The following ARHGAP15 variants were observed in gnomAD, a reference collection of about 807,000 sequenced individuals.
ARHGAP15 encodes the protein Rho GTPase activating protein 15.
In ARHGAP15, 51 loss-of-function variants were observed where a neutral mutation model predicts 63.7. That is an observed-to-expected ratio of 0.80 (90% CI 0.64 to 1.01). The LOEUF is 1.01. ARHGAP15 is among the 50% of genes least tolerant of loss of function. The pLI is 0.00. For synonymous variants in ARHGAP15, 191 were observed against 193.8 expected, an observed-to-expected ratio of 0.99 and a Z score of 0.12; for missense variants, 560 against 564.6, an observed-to-expected ratio of 0.99 and a Z score of 0.08.
chr2:143,407,763 T>A (rs1339517393), intron 6 of ARHGAP15, among the ~76,000 whole-genome samples: 5 of 151,470 alleles, frequency 3.3e-5, no homozygotes, highest in Admixed American at 3.3e-4. Flanking sequence ...GTATTTTAAT[T>A]TTTGGTATAA....
At chr2:143,279,445 C>A (rs552799959) in intron 6 of ARHGAP15, among the ~76,000 whole-genome samples, 1 of 152,266 alleles carries the variant, frequency 6.6e-6, no homozygotes, top group Non-Finnish European at 1.5e-5. Flanking sequence ...GCCATGACTG[C>A]ATTGCAGAAT....
chr2:143,513,600 T>C (rs1408454323), intron 9 of ARHGAP15, among the ~76,000 whole-genome samples: 1 of 152,242 alleles, frequency 6.6e-6, no homozygotes, highest in Non-Finnish European at 1.5e-5. Flanking sequence ...AGGTCACTCA[T>C]ATCCTGAAAT....
At chr2:143,383,212 A>G (rs910974529) in intron 6 of ARHGAP15, among the ~76,000 whole-genome samples, 1 of 152,198 alleles carries the variant, frequency 6.6e-6, no homozygotes, top group African/African-American at 2.4e-5. Flanking sequence ...GAACTATTGC[A>G]CAATTTGCCT....
At chr2:143,604,887 G>GT (rs905139969) in intron 11 of ARHGAP15, among the ~76,000 whole-genome samples, 3 of 151,884 alleles carry the variant, frequency 2.0e-5, no homozygotes, top group South Asian at 2.1e-4. Context: ...ATTTTACAGG[G>GT]TTTTTTTGTT....
rs566957010 is a variant in ARHGAP15 at position 143,609,758 on chromosome 2, C to T, written c.1004-14375C>T. Among the ~76,000 whole-genome samples the T allele has an allele frequency of 2.0e-5, 3 of 152,232 alleles. No homozygotes were observed. The South Asian group carries it at 6.2e-4, about 32-fold the overall frequency. On this transcript the variant is annotated intron_variant, in intron 11 of 13. Transcript: ENST00000295095. ...CCAGGATCTGTATGCACTCGCCTTC[C>T]AACAGGCTTCCAACTAGATTGGGCC...
At chr2:143,149,759 G>T (rs536229502) in intron 1 of ARHGAP15, among the ~76,000 whole-genome samples, 1 of 151,886 alleles carries the variant, frequency 6.6e-6, no homozygotes, top group African/African-American at 2.4e-5. Flanking sequence ...TAAGAAAATT[G>T]GTCAAAGACA....
chr2:143,590,121 G>A (rs1177161731), intron 11 of ARHGAP15, among the ~76,000 whole-genome samples: 1 of 152,102 alleles, frequency 6.6e-6, no homozygotes, highest in African/African-American at 2.4e-5. Context: ...TACCCCAGCT[G>A]TTTAGCTCAT....
Position 143,141,224 on chromosome 2 carries a change from G to A in ARHGAP15, c.-15+11758G>A, listed in dbSNP as rs1689348846. Among the ~76,000 whole-genome samples, 2 of 152,092 alleles carry A rather than the reference G, an allele frequency of 1.3e-5. 1 individual carries two copies. The highest frequency in any genetic ancestry group is 4.1e-4 in the South Asian group (2 of 4,820). ...TCATTCTAATCTTGGTGGCAAACTT[G>A]AACATGCTGGAAATGCTCATGGCCT... is the stretch of plus-strand genomic sequence containing the variant. On this transcript the variant is annotated intron_variant, in intron 1 of 13. Coordinates refer to ENST00000295095, the MANE Select transcript of ARHGAP15 (RefSeq NM_018460.4).
intron 13 of ARHGAP15, among the ~76,000 whole-genome samples, chr2:143,747,798 G>A (rs779800057): frequency 3.9e-5 from 6 of 152,062 alleles, no homozygotes; most frequent in Non-Finnish European, 8.8e-5. Flanking sequence ...TTTATCAGAG[G>A]ACATCTAGAA....
Position 143,328,940 on chromosome 2 carries a change from A to G in ARHGAP15, c.474+78340A>G, listed in dbSNP as rs532697110. Reference sequence around the variant, plus strand: ...TTACATGCCTGTATCAAAATATCTCATGTATCCCATAAATATACACACCTA... The same window carrying G: ...TTACATGCCTGTATCAAAATATCTCGTGTATCCCATAAATATACACACCTA... On this transcript the variant is annotated intron_variant, in intron 6 of 13. Transcript: ENST00000295095. Among the ~76,000 whole-genome samples the G allele has an allele frequency of 2.4e-4, 36 of 152,360 alleles. 1 individual carries two copies. In the South Asian group the frequency reaches 7.2e-3, roughly 31 times the overall value.
At chr2:143,271,114 C>A (rs2105050343) in intron 6 of ARHGAP15, among the ~76,000 whole-genome samples, 1 of 152,266 alleles carries the variant, frequency 6.6e-6, no homozygotes, top group Middle Eastern at 3.4e-3. Context: ...ATTGTCAGCA[C>A]AATTTTATGC....
chr2:143,731,437 G>T (rs993473569), intron 13 of ARHGAP15, among the ~76,000 whole-genome samples: 7 of 152,064 alleles, frequency 4.6e-5, no homozygotes, highest in Non-Finnish European at 8.8e-5. Flanking sequence ...TCCACCAAAT[G>T]AATGAATTTT....
At chr2:143,431,047 T>G (rs1689367129) in intron 6 of ARHGAP15, among the ~76,000 whole-genome samples, 1 of 152,094 alleles carries the variant, frequency 6.6e-6, no homozygotes, top group African/African-American at 2.4e-5. Flanking sequence ...ATATATTTTT[T>G]CATAGCAAGA....
At chr2:143,674,126 C>A (rs1682707652) in intron 12 of ARHGAP15, among the ~76,000 whole-genome samples, 1 of 151,996 alleles carries the variant, frequency 6.6e-6, no homozygotes, top group Admixed American at 6.6e-5. Flanking sequence ...TAATCCATGA[C>A]CCCAAAATCC....
At chr2:143,306,966 A>G (rs543125542) in intron 6 of ARHGAP15, among the ~76,000 whole-genome samples, 1 of 152,090 alleles carries the variant, frequency 6.6e-6, no homozygotes, top group Non-Finnish European at 1.5e-5. Flanking sequence ...CGAAGTTGCT[A>G]TGAAGTCGTC....
At chr2:143,351,637 C>T (rs892628280) in intron 6 of ARHGAP15, among the ~76,000 whole-genome samples, 25 of 152,156 alleles carry the variant, frequency 1.6e-4, no homozygotes, top group East Asian at 1.9e-4. Flanking sequence ...GGTAGTGGCC[C>T]GAATTTGGGC....
chr2:143,527,554 T>G (rs943390830), intron 10 of ARHGAP15, among the ~76,000 whole-genome samples: 1 of 152,020 alleles, frequency 6.6e-6, no homozygotes, highest in Admixed American at 6.6e-5. Flanking sequence ...AAAATAGCTC[T>G]GAAATGATAA....
At chr2:143,587,056 C>T (rs552793320) in intron 11 of ARHGAP15, among the ~76,000 whole-genome samples, 5 of 152,092 alleles carry the variant, frequency 3.3e-5, no homozygotes, top group Admixed American at 2.6e-4. Flanking sequence ...GAGGAATGGA[C>T]AATAAAATGA....
intron 6 of ARHGAP15, among the ~76,000 whole-genome samples, chr2:143,287,757 C>A (rs112783542): frequency 1.3e-5 from 2 of 151,972 alleles, no homozygotes; most frequent in East Asian, 3.9e-4. Context: ...AAGCTGAGAT[C>A]GCGCCATTGC....
Sources: gnomAD v4.1 joint callset for allele counts (sites outside exome capture counted in the v4.1 genomes callset) on GRCh38, gnomAD v4.1.1 for gene constraint, MANE v1.5 for transcripts, NCBI Gene and HGNC (gene_info 2026-07-23, HGNC 2026-07-21) for gene names.